Variants in DGKH observed in about 807,000 individuals in gnomAD.
DGKH encodes DAG kinase eta.
DGKH carries 90 observed loss-of-function variants against 159.3 expected under a neutral mutation model. That is an observed-to-expected ratio of 0.57 (90% CI 0.48 to 0.67). DGKH has a LOEUF of 0.67. Among genes scored for constraint, DGKH ranks in the 30% least tolerant of loss-of-function variants. The pLI, the probability that DGKH is intolerant of heterozygous loss-of-function variation, is 0.00. For missense variants in DGKH, 1,181 were observed against 1,506.1 expected (o/e 0.78, Z 3.57); for synonymous variants, 536 against 553.8 (o/e 0.97, Z 0.45).
At position 42,048,770 on chromosome 13, in the gene DGKH, G is replaced by A. The variant is rs1880983507; in HGVS notation, c.-4G>A. 9.3e-6 allele frequency: 12 copies of A among 1,288,092 alleles called. No homozygotes were observed. Among genetic ancestry groups the A allele is most frequent in the Non-Finnish European group, 1.2e-5 (12 of 1,012,358 alleles). The allele number at this position is 1,288,092 out of a possible 1,614,324, so 79.8% of individuals were successfully genotyped here. A position where few individuals can be genotyped will look rare whatever the true frequency, so the allele number is the denominator to read the frequency against. ...GTGCTGTGTCCCCGCAGGAGTCGGA[G>A]AGGATGGCAGGGGCCGGAGGCCAGC... On this transcript the variant is annotated 5_prime_UTR_variant, in exon 1 of 30. Coordinates refer to ENST00000337343, the MANE Select transcript of DGKH (RefSeq NM_178009.5). This position sits in a 1 kb window ranked among gnomAD's most constrained non-coding sequence, Gnocchi z 6.7.
At chr13:42,225,852 A>G (rs1958116044) in intron 29 of DGKH, among the ~76,000 whole-genome samples, 1 of 152,022 alleles carries the variant, frequency 6.6e-6, no homozygotes, top group South Asian at 2.1e-4. Flanking sequence ...ATGTCACAGC[A>G]TAGCTTTATT....
At chr13:42,243,522 C>A (rs905948246), downstream of DGKH, among the ~76,000 whole-genome samples, 4 of 152,154 alleles carry the variant, frequency 2.6e-5, no homozygotes, top group Admixed American at 1.3e-4. Flanking sequence ...CCTTTAAAAT[C>A]ACTGTCTGGT....
chr13:42,065,204 T>A (rs1330777764), intron 1 of DGKH, among the ~76,000 whole-genome samples: 2 of 152,222 alleles, frequency 1.3e-5, no homozygotes, highest in African/African-American at 2.4e-5. Flanking sequence ...CTCATGCATG[T>A]TCTGCCTTGG....
chr13:42,147,656 T>A (rs1267370644), intron 3 of DGKH, among the ~76,000 whole-genome samples: 3 of 152,230 alleles, frequency 2.0e-5, no homozygotes, highest in African/African-American at 7.2e-5. Flanking sequence ...ACATTTAATG[T>A]GTCCATTAAC....
rs760409674 is a variant in DGKH at position 42,224,903 on chromosome 13, AAT to A, written c.3573+3523_3573+3524del. 2.1e-3 allele frequency among the ~76,000 whole-genome samples: 310 copies of A among 144,966 alleles called. 4 individuals carry two copies. Among genetic ancestry groups the A allele is most frequent in the Non-Finnish European group, 1.6e-3 (102 of 64,550 alleles). Reference sequence around the variant, plus strand: ...CTAAAGTTGGGAAAAGGAAAAAAAAAATATATATATATATACATATATTTGTT... The same window carrying A: ...CTAAAGTTGGGAAAAGGAAAAAAAAAATATATATATATACATATATTTGTT... On this transcript the variant is annotated intron_variant, in intron 29 of 29. Coordinates refer to ENST00000337343, the MANE Select transcript of DGKH (RefSeq NM_178009.5).
chr13:42,147,727 C>T (rs890697726), intron 3 of DGKH, among the ~76,000 whole-genome samples: 1 of 152,106 alleles, frequency 6.6e-6, no homozygotes, highest in African/African-American at 2.4e-5. Context: ...TTTCTGAAGT[C>T]ACTGTGATCC....
chr13:42,218,090 A>G (rs986030993), intron 26 of DGKH, among the ~76,000 whole-genome samples: 5 of 152,196 alleles, frequency 3.3e-5, no homozygotes, highest in Admixed American at 3.3e-4. Flanking sequence ...GGAAGAAATA[A>G]AGTCTCCTGA....
At chr13:42,206,684 C>A (rs879806835) in intron 21 of DGKH, among the ~76,000 whole-genome samples, 1 of 152,082 alleles carries the variant, frequency 6.6e-6, no homozygotes, top group Non-Finnish European at 1.5e-5. Context: ...GCCCACATTC[C>A]CCTCCATCTT....
chr13:42,153,518 T>C (rs1955969533), intron 3 of DGKH, among the ~76,000 whole-genome samples: 1 of 152,152 alleles, frequency 6.6e-6, no homozygotes, highest in Admixed American at 6.5e-5. Context: ...AAAAAATAAA[T>C]ACAATAAATG....
At chr13:42,188,559 T>C (rs113274263) in intron 14 of DGKH, among the ~76,000 whole-genome samples, 74 of 152,336 alleles carry the variant, frequency 4.9e-4, no homozygotes, top group African/African-American at 1.4e-3. Flanking sequence ...TCAATTACTT[T>C]TTTTAAAAAG....
chr13:42,046,819 A>C (rs894904401), upstream of DGKH, among the ~76,000 whole-genome samples: 2 of 152,222 alleles, frequency 1.3e-5, no homozygotes, highest in African/African-American at 4.8e-5. Flanking sequence ...TACTAACCGC[A>C]TGATTTTGAC....
At chr13:42,207,264 G>A (rs999669260) in intron 21 of DGKH, among the ~76,000 whole-genome samples, 6 of 148,834 alleles carry the variant, frequency 4.0e-5, no homozygotes, top group Non-Finnish European at 7.4e-5. Flanking sequence ...ATCTCAGCTC[G>A]CTACAACCTC....
chr13:42,225,836 G>C (rs415359), intron 29 of DGKH, among the ~76,000 whole-genome samples: 3 of 151,056 alleles, frequency 2.0e-5, no homozygotes, highest in Non-Finnish European at 4.4e-5. Flanking sequence ...AATAAAGATA[G>C]AACAAATGTC....
intron 13 of DGKH, among the ~76,000 whole-genome samples, chr13:42,184,249 A>G (rs1198471415): frequency 6.6e-6 from 1 of 152,230 alleles, no homozygotes; most frequent in African/African-American, 2.4e-5. Flanking sequence ...TTCAGATATG[A>G]TGACCCTGCC....
At chr13:42,139,725 A>G (rs1200755957) in intron 3 of DGKH, among the ~76,000 whole-genome samples, 3 of 152,194 alleles carry the variant, frequency 2.0e-5, no homozygotes, top group African/African-American at 4.8e-5. Flanking sequence ...TTCATTATAT[A>G]TAGCAGGCAT....
intron 1 of DGKH, among the ~76,000 whole-genome samples, chr13:42,114,089 G>T (rs1029351972): frequency 6.6e-6 from 1 of 152,186 alleles, no homozygotes; most frequent in Non-Finnish European, 1.5e-5. Flanking sequence ...TCTCCACAAA[G>T]ATAATATTAA....
chr13:42,210,778 G>A lies in DGKH; in HGVS notation c.3014+13G>A. 6.2e-7 allele frequency: 1 copy of A among 1,602,214 alleles called. No individual in the cohort carries two copies. Among genetic ancestry groups the A allele is most frequent in the Non-Finnish European group, 8.5e-7 (1 of 1,175,944 alleles). On this transcript the variant is annotated intron_variant, in intron 24 of 29. Transcript: ENST00000337343. ...AGCTCATTACTAGGTAGGGGGCTCTGCTGACTTTTCAGGCTGTGGGAACTG... is the reference window on the plus strand; with the variant it reads ...AGCTCATTACTAGGTAGGGGGCTCTACTGACTTTTCAGGCTGTGGGAACTG...
chr13:42,103,225 A>G (rs901241897), intron 1 of DGKH, among the ~76,000 whole-genome samples: 3 of 152,228 alleles, frequency 2.0e-5, no homozygotes, highest in African/African-American at 2.4e-5. Context: ...TGCTACTTGA[A>G]TGCAGCTGGG....
chr13:42,221,837 C>T (rs1594235789), intron 29 of DGKH, among the ~76,000 whole-genome samples: 2 of 152,186 alleles, frequency 1.3e-5, no homozygotes, highest in African/African-American at 4.8e-5. Flanking sequence ...GAGAGACTTA[C>T]AGCAATGGCT....
Sources: allele counts gnomAD v4.1 joint callset (sites outside exome capture counted in the v4.1 genomes callset), GRCh38; gene constraint gnomAD v4.1.1; non-coding constraint Gnocchi (gnomAD v3.1); transcripts MANE v1.5; gene names NCBI Gene and HGNC (gene_info 2026-07-23, HGNC 2026-07-21).